The following CNOT2 variants were observed in gnomAD, a reference collection of about 807,000 sequenced individuals.
The protein encoded by CNOT2 is CCR4-NOT transcription complex subunit 2, also known as CC chemokine receptor 4-negative regulator of transcription 2.
In CNOT2, 7 loss-of-function variants were observed where a neutral mutation model predicts 72.1. That is an observed-to-expected ratio of 0.10 (90% CI 0.06 to 0.18). CNOT2 has a LOEUF of 0.18. Ranked by LOEUF, CNOT2 falls within the 10% of genes least tolerant of loss-of-function variation. The pLI is 1.00. For missense variants in CNOT2, 345 were observed against 660.3 expected (o/e 0.52, Z 5.23); for synonymous variants, 196 against 225.6 (o/e 0.87, Z 1.17).
chr12:70,298,982 T>C (rs1382408500), intron 2 of CNOT2, among the ~76,000 whole-genome samples: 3 of 152,096 alleles, frequency 2.0e-5, no homozygotes, highest in African/African-American at 2.4e-5. Context: ...TTGGAGGCTA[T>C]TGGAGTGGCT....
intron 4 of CNOT2, chr12:70,322,993 A>G (rs1362056405): frequency 1.3e-5 from 2 of 151,758 alleles, no homozygotes; most frequent in African/African-American, 2.4e-5. Context: ...TGATGCTAAC[A>G]CATAGATTAA....
At chr12:70,256,615 A>G (rs1366483541) in intron 1 of CNOT2, among the ~76,000 whole-genome samples, 1 of 149,496 alleles carries the variant, frequency 6.7e-6, no homozygotes, top group African/African-American at 2.4e-5. Flanking sequence ...TGGTAATAGC[A>G]TATACTTATT....
intron 15 of CNOT2, among the ~76,000 whole-genome samples, chr12:70,353,217 C>T (rs1194491652): frequency 6.6e-6 from 1 of 151,742 alleles, no homozygotes; most frequent in Admixed American, 6.6e-5. Context: ...CTACTACAGG[C>T]GTGCACCACT....
chr12:70,346,098 G>T, intron 14 of CNOT2, 82 bp from the exon 15 acceptor site: 1 of 895,642 alleles, frequency 1.1e-6, no homozygotes, highest in Non-Finnish European at 1.7e-6. Context: ...TTTTTTTCCG[G>T]AGGAAAGCTT....
chr12:70,332,695 A>C (rs1444408515), intron 6 of CNOT2, 72 bp from the exon 7 acceptor site: 2 of 1,469,044 alleles, frequency 1.4e-6, no homozygotes, highest in Non-Finnish European at 1.8e-6. Context: ...CCAAAAATAC[A>C]CACTTCTGTT....
chr12:70,318,820 G>A (rs1877797054), intron 3 of CNOT2, among the ~76,000 whole-genome samples: 1 of 151,544 alleles, frequency 6.6e-6, no homozygotes, highest in Non-Finnish European at 1.5e-5. Flanking sequence ...TTACTTTTGA[G>A]TATATAACAC....
chr12:70,298,461 C>A (rs1037687445), intron 2 of CNOT2, among the ~76,000 whole-genome samples: 1 of 152,142 alleles, frequency 6.6e-6, no homozygotes, highest in Non-Finnish European at 1.5e-5. Flanking sequence ...AGATATATAA[C>A]CTTAGGAAGT....
intron 3 of CNOT2, among the ~76,000 whole-genome samples, chr12:70,311,938 C>T (rs2135959376): frequency 6.6e-6 from 1 of 152,022 alleles, no homozygotes; most frequent in Middle Eastern, 3.4e-3. Flanking sequence ...AAATCACTTC[C>T]TTTGACTTTG....
chr12:70,308,555 T>C (rs924887137), intron 2 of CNOT2, among the ~76,000 whole-genome samples: 2 of 134,256 alleles, frequency 1.5e-5, no homozygotes, highest in African/African-American at 5.5e-5. Context: ...TTGGTATATT[T>C]TCTCTCTCTC....
At position 70,330,451 on chromosome 12, in the gene CNOT2, A is replaced by G; in HGVS notation, c.551A>G (p.Gln184Arg). Residue 184 changes from glutamine (Q) to arginine (R), a missense_variant, in exon 6 of 16, where the codon CAG (glutamine) becomes CGG (arginine). This residue lies in a region of CNOT2 where 157 missense variants were observed against 235.3 expected (regional missense o/e 0.67). Transcript: ENST00000229195. ...ATGCCAAAGCAGCAGCCTTCTCGAC[A>G]GCCTTTTACTGTGAACAGGTAAGAT... is the stretch of plus-strand genomic sequence containing the variant. ...ICMPKQQPSR[Q>R]PFTVNSMSGF... 1 of 1,611,974 alleles carries G rather than the reference A, an allele frequency of 6.2e-7. No individual in the cohort carries two copies. The highest frequency in any genetic ancestry group is 8.5e-7 in the Non-Finnish European group (1 of 1,178,624).
intron 2 of CNOT2, among the ~76,000 whole-genome samples, chr12:70,281,480 A>G (rs994213039): frequency 1.3e-5 from 2 of 152,198 alleles, no homozygotes; most frequent in African/African-American, 4.8e-5. Context: ...CCTTTCCAAT[A>G]TATCTCCTGT....
rs2136104199 is a variant in CNOT2, at chr12:70,353,915, A to AAG, written c.*1_*2insGA. 1.9e-6 allele frequency: 1 copy of AAG among 513,322 alleles called. No homozygotes were observed. The highest frequency in any genetic ancestry group is 8.6e-5 in the East Asian group (1 of 11,614). 31.8% of individuals were successfully genotyped at this position (513,322 alleles called of 1,614,324 possible). ...ACAACCCTGCTCAGCAAGCCTTCTA[A>AAG]AAAAAAAAAAAAAAAAAAAAAAAGA... On this transcript the variant is annotated 3_prime_UTR_variant, in exon 16 of 16. Coordinates refer to ENST00000229195, the MANE Select transcript of CNOT2 (RefSeq NM_014515.7).
At chr12:70,267,606 C>T (rs1341437901) in intron 1 of CNOT2, among the ~76,000 whole-genome samples, 1 of 152,206 alleles carries the variant, frequency 6.6e-6, no homozygotes, top group African/African-American at 2.4e-5. Context: ...ACTTATATCA[C>T]TTCAAGTGGA....
At chr12:70,310,060 T>C (rs1294593072) in intron 2 of CNOT2, among the ~76,000 whole-genome samples, 3 of 152,084 alleles carry the variant, frequency 2.0e-5, no homozygotes, top group Non-Finnish European at 4.4e-5. Context: ...ATTTACATTG[T>C]ATTAGATATT....
At chr12:70,308,969 A>C (rs562296334) in intron 2 of CNOT2, among the ~76,000 whole-genome samples, 4 of 152,320 alleles carry the variant, frequency 2.6e-5, no homozygotes, top group African/African-American at 9.6e-5. Flanking sequence ...TAAGAGTTCT[A>C]TAAAGATAAT....
At chr12:70,305,873 GTTT>G (rs11412509) in intron 2 of CNOT2, among the ~76,000 whole-genome samples, 3 of 60,106 alleles carry the variant, frequency 5.0e-5, no homozygotes, top group South Asian at 7.2e-4. Context: ...TCTGAAGTTT[GTTT>G]TTTTTTTTTT....
intron 2 of CNOT2, among the ~76,000 whole-genome samples, chr12:70,280,827 G>C (rs913725194): frequency 6.6e-6 from 1 of 152,128 alleles, no homozygotes; most frequent in Non-Finnish European, 1.5e-5. Flanking sequence ...GCCCAGTTAG[G>C]TATTTGGAGT....
intron 15 of CNOT2, among the ~76,000 whole-genome samples, chr12:70,348,213 G>C (rs1047888509): frequency 1.3e-5 from 2 of 152,166 alleles, no homozygotes; most frequent in African/African-American, 4.8e-5. Context: ...TATAGCTACT[G>C]TTTTTGCAAG....
chr12:70,301,369 G>C (rs899158896), intron 2 of CNOT2, among the ~76,000 whole-genome samples: 1 of 152,132 alleles, frequency 6.6e-6, no homozygotes, highest in Non-Finnish European at 1.5e-5. Context: ...GTCATAGATA[G>C]CTCTTATTAT....
Sources: allele counts gnomAD v4.1 joint callset (sites outside exome capture counted in the v4.1 genomes callset), GRCh38; gene constraint gnomAD v4.1.1; regional missense constraint gnomAD v4.1.1; transcripts MANE v1.5; gene names NCBI Gene and HGNC (gene_info 2026-07-23, HGNC 2026-07-21).